Variants in SLC27A1 observed in about 807,000 individuals in gnomAD.
SLC27A1 encodes the protein solute carrier family 27 member 1.
Under a neutral mutation model 62.2 loss-of-function variants are expected in SLC27A1, and 61 were observed. That is an observed-to-expected ratio of 0.98 (90% CI 0.80 to 1.21). The LOEUF is 1.21. Among genes scored for constraint, SLC27A1 ranks in the 50% most tolerant of loss-of-function variants. The pLI is 0.00. For synonymous variants in SLC27A1, 435 were observed against 408.6 expected, an observed-to-expected ratio of 1.06 and a Z score of -0.78; for missense variants, 903 against 932.1, an observed-to-expected ratio of 0.97 and a Z score of 0.41.
intron 6 of SLC27A1, chr19:17,495,714 C>T (rs1431971126): frequency 6.6e-6 from 1 of 152,246 alleles, no homozygotes; most frequent in Non-Finnish European, 1.5e-5. Context: ...GGAGAGGACC[C>T]TCCCCCTTAG....
At chr19:17,494,454 A>T (rs2144599863) in intron 6 of SLC27A1, among the ~76,000 whole-genome samples, 1 of 151,996 alleles carries the variant, frequency 6.6e-6, no homozygotes, top group South Asian at 2.1e-4. Flanking sequence ...CAGGCTCCTG[A>T]ATAGCTGGGA....
upstream of SLC27A1, chr19:17,470,315 G>C: frequency 2.0e-6 from 1 of 508,148 alleles, no homozygotes. Flanking sequence ...TAGTTAGCGG[G>C]CGGGTGTAAA....
At chr19:17,491,073 C>T (rs2075289619) in intron 6 of SLC27A1, 1 of 148,996 alleles carries the variant, frequency 6.7e-6, no homozygotes, top group Non-Finnish European at 1.5e-5. Flanking sequence ...TGATGATACA[C>T]ACCTGTAATC....
upstream of SLC27A1, chr19:17,470,517 C>G (rs377043448): frequency 3.9e-6 from 6 of 1,526,506 alleles, no homozygotes; most frequent in Admixed American, 1.2e-4. Flanking sequence ...GGCCCGCGGC[C>G]TCAGCTCTCT....
At chr19:17,470,431 G>A (rs897286868), upstream of SLC27A1, 4 of 1,286,774 alleles carry the variant, frequency 3.1e-6, no homozygotes, top group South Asian at 3.5e-5. Context: ...GCGCAGAGCC[G>A]AGGCCTGGGG....
chr19:17,497,161 C>T (rs2075357835), intron 6 of SLC27A1, 94 bp from the exon 7 acceptor site: 4 of 959,672 alleles, frequency 4.2e-6, no homozygotes, highest in Non-Finnish European at 6.2e-6. Context: ...ATAGGATTAG[C>T]TCCCTGGGTG....
intron 1 of SLC27A1, among the ~76,000 whole-genome samples, chr19:17,484,437 A>C (rs1219671054): frequency 6.6e-6 from 1 of 152,100 alleles, no homozygotes; most frequent in Admixed American, 6.6e-5. Context: ...CAAAAAATAC[A>C]AAAATTTTGC....
Position 17,504,633 on chromosome 19 carries a change from C to G in SLC27A1, c.*21C>G. The G allele has an allele frequency of 6.2e-7, 1 of 1,613,836 alleles. No individual in the cohort carries two copies. The highest frequency in any genetic ancestry group is 8.5e-7 in the Non-Finnish European group (1 of 1,179,918). Reference sequence around the variant, plus strand: ...TCTGAAGCTGTTCCTCTACTGGCCACAAACTCTGGGCCTGGTGGGAGAGGC... The same window carrying G: ...TCTGAAGCTGTTCCTCTACTGGCCAGAAACTCTGGGCCTGGTGGGAGAGGC... On this transcript the variant is annotated 3_prime_UTR_variant, in exon 12 of 12. Coordinates refer to ENST00000252595, the MANE Select transcript of SLC27A1 (RefSeq NM_198580.3).
upstream of SLC27A1, among the ~76,000 whole-genome samples, chr19:17,469,694 T>C (rs1029751447): frequency 1.3e-5 from 2 of 151,328 alleles, no homozygotes; most frequent in Admixed American, 6.6e-5. Flanking sequence ...GGCTTCGAAG[T>C]AGACAGGAGG....
intron 1 of SLC27A1, among the ~76,000 whole-genome samples, chr19:17,481,417 A>G (rs1486560963): frequency 3.3e-5 from 5 of 151,010 alleles, no homozygotes; most frequent in African/African-American, 1.2e-4. Context: ...CCTGGGTCCA[A>G]GTGATTCTCC....
intron 1 of SLC27A1, among the ~76,000 whole-genome samples, chr19:17,471,390 G>GT (rs2075074920): frequency 6.6e-6 from 1 of 151,946 alleles, no homozygotes; most frequent in Non-Finnish European, 1.5e-5. Context: ...TCCAGGACTT[G>GT]TTTGGGGGGT....
At chr19:17,492,616 C>CAAAAAA (rs35790162) in intron 6 of SLC27A1, among the ~76,000 whole-genome samples, 22 of 70,440 alleles carry the variant, frequency 3.1e-4, no homozygotes, top group South Asian at 6.2e-4. Flanking sequence ...GACTCCATCT[C>CAAAAAA]AAAAAAAAAA....
intron 7 of SLC27A1, chr19:17,498,014 T>G (rs1177344774): frequency 1.8e-5 from 3 of 164,670 alleles, no homozygotes; most frequent in African/African-American, 7.2e-5. Flanking sequence ...TGCATGAATC[T>G]CCCTCTCCTT....
chr19:17,470,551 CG>C lies in SLC27A1; in HGVS notation c.14del (p.Gly5ValfsTer57). 6.4e-7 allele frequency: 1 copy of C among 1,556,244 alleles called. No individual in the cohort carries two copies. On this transcript the variant is annotated frameshift_variant, in exon 1 of 12. Transcript: ENST00000252595. LOFTEE classifies it high-confidence loss of function. The part of the protein sequence containing the change: MRA[P>X]GAGAASVVSL... Reference sequence around the variant, plus strand: ...CTCTGCTTCCCCAGGATGCGGGCTCCGGGTGCGGGCGCGGCCTCGGTGGTCT... The same window carrying C: ...CTCTGCTTCCCCAGGATGCGGGCTCCGGTGCGGGCGCGGCCTCGGTGGTCT...
In SLC27A1 at chr19:17,486,631, C is replaced by T. The variant is rs370987695; in HGVS notation, c.236C>T (p.Pro79Leu). 6.2e-7 allele frequency: 1 copy of T among 1,601,650 alleles called. No homozygotes were observed. Among genetic ancestry groups the T allele is most frequent in the Non-Finnish European group, 8.5e-7 (1 of 1,178,580 alleles). Residue 79 changes from proline (P) to leucine (L), a missense_variant, in exon 2 of 12, where the codon CCG becomes CTG. Coordinates refer to ENST00000252595, the MANE Select transcript of SLC27A1 (RefSeq NM_198580.3). This position sits in a 1 kb window ranked among gnomAD's most constrained non-coding sequence, Gnocchi z 6.6. ...CACCAGCGTGCCGGCCACACCATCCCGCGCATCTTTCAGGCGGTAGTGCAG... is the reference window on the plus strand; with the variant it reads ...CACCAGCGTGCCGGCCACACCATCCTGCGCATCTTTCAGGCGGTAGTGCAG... ...RRHQRAGHTIPRIFQAVVQRQ... is the reference protein window; with the variant it reads ...RRHQRAGHTILRIFQAVVQRQ...
intron 1 of SLC27A1, among the ~76,000 whole-genome samples, chr19:17,471,173 C>A (rs999631554): frequency 1.3e-5 from 2 of 151,478 alleles, no homozygotes; most frequent in African/African-American, 4.9e-5. Context: ...AATAGATAGT[C>A]TCTGGGGGGT....
At chr19:17,502,336 TTTTTTTTG>T (rs1466152179) in intron 11 of SLC27A1, among the ~76,000 whole-genome samples, 911 of 66,326 alleles carry the variant, frequency 0.014, 124 homozygotes, top group African/African-American at 0.017. Context: ...TGAAATAGTG[TTTTTTTTG>T]TTTTTTTTTT....
chr19:17,493,983 C>T (rs1026692624), intron 6 of SLC27A1, among the ~76,000 whole-genome samples: 4 of 151,454 alleles, frequency 2.6e-5, no homozygotes, highest in African/African-American at 9.7e-5. Flanking sequence ...ATGGTGGAGC[C>T]CCCAGGGTGG....
Position 17,486,563 on chromosome 19 carries a change from C to T in SLC27A1, c.168C>T (p.Phe56=), listed in dbSNP as rs1354938323. The T allele has an allele frequency of 1.3e-6, 2 of 1,576,722 alleles. No homozygotes were observed. Among genetic ancestry groups the T allele is most frequent in the Non-Finnish European group, 8.6e-7 (1 of 1,168,778 alleles). ...CTGTCCCCTCCGTCCTCCCTCCCAG[C>T]GGTCTCTCTGTGCTGATCCGCGTGC... ...IVCKTARRDL[F]GLSVLIRVRL... The change falls in exon 2 of 12, where the codon TTC becomes TTT. Residue 56 remains phenylalanine, a splice_region_variant and synonymous_variant. Transcript: ENST00000252595. This position sits in a 1 kb window ranked among gnomAD's most constrained non-coding sequence, Gnocchi z 6.6.
Sources: allele counts gnomAD v4.1 joint callset (sites outside exome capture counted in the v4.1 genomes callset), GRCh38; gene constraint gnomAD v4.1.1; non-coding constraint Gnocchi (gnomAD v3.1); transcripts MANE v1.5; gene names NCBI Gene and HGNC (gene_info 2026-07-23, HGNC 2026-07-21).